CPA6: variants seen among roughly 807,000 people sequenced by gnomAD.
CPA6 encodes carboxypeptidase A6.
A neutral mutation model predicts 63.3 loss-of-function variants in CPA6; 58 were observed. The observed-to-expected ratio is 0.92, with a 90% CI of 0.74 to 1.14. The LOEUF (loss-of-function observed/expected upper bound fraction) is 1.14. CPA6 is among the 50% of genes most tolerant of loss of function. The pLI, the probability that CPA6 is intolerant of heterozygous loss-of-function variation, is 0.00. For synonymous variants in CPA6, 185 were observed against 179.0 expected (o/e 1.03, Z -0.27); for missense variants, 565 against 526.6 (o/e 1.07, Z -0.71).
At position 67,511,691 on chromosome 8, in the gene CPA6, T is replaced by C. The variant is rs757557217; in HGVS notation, c.318-36A>G. 60 of 1,237,504 alleles carry C rather than the reference T, an allele frequency of 4.8e-5. No homozygotes were observed. In the African/African-American group the frequency reaches 7.3e-4, roughly 15 times the overall value. 76.7% of individuals were successfully genotyped at this position (1,237,504 alleles called of 1,614,324 possible). A position where few individuals can be genotyped will look rare whatever the true frequency, so the allele number is the denominator to read the frequency against. On this transcript the variant is annotated intron_variant, in intron 3 of 10. Transcript: ENST00000297770. Reference sequence around the variant, plus strand: ...AATGACAGACATGATGAAAAGTAAATTGAGATATTGCAAAAATCAGGCAAC... The same window carrying C: ...AATGACAGACATGATGAAAAGTAAACTGAGATATTGCAAAAATCAGGCAAC...
At chr8:67,484,556 T>G (rs946762220) in intron 7 of CPA6, 123 bp downstream of exon 7, 20 of 554,948 alleles carry the variant, frequency 3.6e-5, no homozygotes, top group Non-Finnish European at 4.6e-5. Context: ...AAGGCCTCTT[T>G]TGCATCTCTG....
intron 1 of CPA6, among the ~76,000 whole-genome samples, chr8:67,714,591 T>C (rs1325786269): frequency 1.3e-5 from 2 of 152,078 alleles, no homozygotes; most frequent in Non-Finnish European, 2.9e-5. Flanking sequence ...TCCCAGCTAC[T>C]TGGAAGGTTG....
At chr8:67,466,395 C>A (rs1031870859) in intron 8 of CPA6, among the ~76,000 whole-genome samples, 2 of 151,938 alleles carry the variant, frequency 1.3e-5, no homozygotes, top group Admixed American at 1.3e-4. Flanking sequence ...TATGGTTTAT[C>A]CTATCAAGGA....
intron 2 of CPA6, among the ~76,000 whole-genome samples, chr8:67,594,054 C>T (rs1243751214): frequency 1.3e-5 from 2 of 151,796 alleles, no homozygotes; most frequent in Admixed American, 1.3e-4. Context: ...GTGCTTCCTT[C>T]AGGAGCTCTT....
chr8:67,623,204 A>C (rs1317572454), intron 2 of CPA6, among the ~76,000 whole-genome samples: 3 of 152,228 alleles, frequency 2.0e-5, no homozygotes, highest in Non-Finnish European at 4.4e-5. Flanking sequence ...AGATTCAAGA[A>C]GGAAAAGAGA....
chr8:67,549,120 A>T (rs991514253), intron 2 of CPA6, among the ~76,000 whole-genome samples: 1 of 152,236 alleles, frequency 6.6e-6, no homozygotes, highest in Non-Finnish European at 1.5e-5. Context: ...TGTTATGAAT[A>T]AGAAAATTAA....
At chr8:67,481,374 C>T (rs573579753) in intron 8 of CPA6, among the ~76,000 whole-genome samples, 5 of 152,288 alleles carry the variant, frequency 3.3e-5, no homozygotes, top group South Asian at 2.1e-4. Flanking sequence ...TCTGACTTGT[C>T]GAGTCCTTCT....
intron 1 of CPA6, among the ~76,000 whole-genome samples, chr8:67,727,160 A>G (rs1165851295): frequency 1.3e-5 from 2 of 152,194 alleles, no homozygotes; most frequent in African/African-American, 4.8e-5. Flanking sequence ...GAAAGAAAAA[A>G]AAACCCTATG....
At chr8:67,550,379 T>C (rs1393021515) in intron 2 of CPA6, among the ~76,000 whole-genome samples, 1 of 152,080 alleles carries the variant, frequency 6.6e-6, no homozygotes, top group Non-Finnish European at 1.5e-5. Context: ...TATTTCATTC[T>C]TTTTTATGGT....
intron 1 of CPA6, among the ~76,000 whole-genome samples, chr8:67,729,094 G>A (rs556461878): frequency 1.3e-5 from 2 of 152,276 alleles, no homozygotes; most frequent in South Asian, 4.1e-4. Flanking sequence ...CTGAAAGCAT[G>A]GTGCCTGAAC....
chr8:67,619,525 T>C (rs1427978661), intron 2 of CPA6, among the ~76,000 whole-genome samples: 2 of 152,156 alleles, frequency 1.3e-5, no homozygotes, highest in African/African-American at 4.8e-5. Flanking sequence ...GATGTACTTC[T>C]ACCCAAGTTC....
chr8:67,465,639 A>G (rs1446930992), intron 8 of CPA6, among the ~76,000 whole-genome samples: 1 of 151,998 alleles, frequency 6.6e-6, no homozygotes, highest in African/African-American at 2.4e-5. Context: ...TTTGTCATAG[A>G]TGGCTAGTTT....
chr8:67,590,735 TG>T (rs1193401137), intron 2 of CPA6, among the ~76,000 whole-genome samples: 1 of 151,838 alleles, frequency 6.6e-6, no homozygotes, highest in African/African-American at 2.4e-5. Flanking sequence ...TTGATGGGGT[TG>T]TTTTTTTCTT....
intron 6 of CPA6, among the ~76,000 whole-genome samples, chr8:67,496,517 GTT>G (rs1554668256): frequency 1.5e-4 from 7 of 47,418 alleles, no homozygotes; most frequent in African/African-American, 1.1e-4. Context: ...CCACTATATA[GTT>G]TATATATATA....
At chr8:67,698,689 T>C (rs1485625526) in intron 1 of CPA6, among the ~76,000 whole-genome samples, 1 of 152,224 alleles carries the variant, frequency 6.6e-6, no homozygotes, top group Non-Finnish European at 1.5e-5. Flanking sequence ...TCTCCCCAAC[T>C]GGATTTATAA....
chr8:67,532,116 A>C (rs1380013216), intron 2 of CPA6, among the ~76,000 whole-genome samples: 3 of 152,130 alleles, frequency 2.0e-5, no homozygotes, highest in African/African-American at 7.2e-5. Flanking sequence ...AAAAAGTAAA[A>C]AAAATAAAGA....
intron 1 of CPA6, among the ~76,000 whole-genome samples, chr8:67,683,387 C>G (rs774813092): frequency 1.7e-4 from 26 of 152,154 alleles, no homozygotes; most frequent in Non-Finnish European, 3.7e-4. Context: ...TATCTATTCT[C>G]CCTATCCTCA....
At chr8:67,707,880 C>CTCCA (rs556762621) in intron 1 of CPA6, among the ~76,000 whole-genome samples, 92 of 150,876 alleles carry the variant, frequency 6.1e-4, no homozygotes, top group African/African-American at 1.9e-3. Flanking sequence ...CACCACTGTA[C>CTCCA]TCCAGCCTGG....
At chr8:67,693,387 C>T (rs898088077) in intron 1 of CPA6, among the ~76,000 whole-genome samples, 4 of 152,140 alleles carry the variant, frequency 2.6e-5, no homozygotes, top group African/African-American at 4.8e-5. Context: ...GGGTTGACCA[C>T]GTTGGAGTCA....
Sources: allele counts gnomAD v4.1 joint callset (sites outside exome capture counted in the v4.1 genomes callset), GRCh38; gene constraint gnomAD v4.1.1; transcripts MANE v1.5; gene names NCBI Gene and HGNC (gene_info 2026-07-23, HGNC 2026-07-21).